TBCK: variants seen among roughly 807,000 people sequenced by gnomAD.
TBCK encodes the protein TBC domain-containing protein kinase-like protein.
TBCK carries 99 observed loss-of-function variants against 113.4 expected under a neutral mutation model. The ratio of observed to expected loss-of-function variants is 0.87; its 90% CI spans 0.74 to 1.03. The LOEUF (loss-of-function observed/expected upper bound fraction) is 1.03. TBCK is among the 50% of genes least tolerant of loss of function. TBCK has a pLI of 0.00. For synonymous variants in TBCK, 369 were observed against 370.8 expected (o/e 1.00, Z 0.05); for missense variants, 1,045 against 1,061.3 (o/e 0.98, Z 0.21).
intron 25 of TBCK, among the ~76,000 whole-genome samples, chr4:106,055,575 C>T (rs1279067204): frequency 2.2e-5 from 3 of 135,148 alleles, no homozygotes; most frequent in Admixed American, 7.6e-5. Context: ...CACACACACA[C>T]ATATATATAA....
At chr4:106,185,964 T>A (rs1277955896) in intron 22 of TBCK, among the ~76,000 whole-genome samples, 1 of 152,126 alleles carries the variant, frequency 6.6e-6, no homozygotes, top group East Asian at 1.9e-4. Flanking sequence ...TTTCTACTTA[T>A]AAGTGAGAAC....
chr4:106,242,708 GT>G (rs1379217905), intron 11 of TBCK, 139 bp from the exon 12 acceptor site: 3 of 505,646 alleles, frequency 5.9e-6, no homozygotes, highest in Non-Finnish European at 1.0e-5. Context: ...ATAAAACAAT[GT>G]TTTTTTAATT....
rs1752189954 is a variant in TBCK at position 106,180,259 on chromosome 4, G to T, written c.2060-8989C>A. ...TTATATTCAAGATTATTAATAATAG[G>T]TAAGAATTTGCTACTGTTATTTTAT... is the stretch of plus-strand genomic sequence containing the variant. On this transcript the variant is annotated intron_variant, in intron 22 of 25. Transcript: ENST00000394708. Among the ~76,000 whole-genome samples the T allele has an allele frequency of 4.6e-5, 7 of 151,830 alleles. No individual in the cohort carries two copies. In the South Asian group the frequency reaches 1.2e-3, roughly 27 times the overall value.
At chr4:106,247,636 C>T (rs1760988277) in intron 9 of TBCK, 1 of 168,180 alleles carries the variant, frequency 5.9e-6, no homozygotes, top group South Asian at 1.7e-4. Context: ...ATAATAATAC[C>T]ATTTGGCTTT....
At chr4:106,055,551 TACACAC>T (rs3056715) in intron 25 of TBCK, among the ~76,000 whole-genome samples, 36,025 of 149,192 alleles carry the variant, frequency 0.24, 4,311 homozygotes, top group South Asian at 0.26. Context: ...AGTTCAATTA[TACACAC>T]ACACACACAC....
chr4:106,215,633 T>G (rs1387706156), intron 19 of TBCK, among the ~76,000 whole-genome samples: 1 of 152,050 alleles, frequency 6.6e-6, no homozygotes, highest in Non-Finnish European at 1.5e-5. Context: ...CATAACATAA[T>G]GGTAAAGGGA....
chr4:106,242,511 C>T lies in TBCK; in HGVS notation c.1129G>A (p.Asp377Asn). ...AACGACAATGTCACAGTGGTATCAT[C>T]TAAAAGCGAGCTTCTATCTCGACCT... is the stretch of plus-strand genomic sequence containing the variant. Reference protein sequence around the residue: ...GQGRDRSSLLDDTTVTLSLCQ... With the variant: ...GQGRDRSSLLNDTTVTLSLCQ... The change falls in exon 12 of 26, where the codon GAT becomes AAT. Residue 377 changes from aspartate (D) to asparagine (N), a missense_variant. Physicochemically the swap from Asp to Asn is conservative, Grantham distance 23. Transcript: ENST00000394708. The T allele has an allele frequency of 6.2e-7, 1 of 1,609,556 alleles. No individual in the cohort carries two copies.
chr4:106,205,553 G>A (rs1755374747), intron 20 of TBCK, among the ~76,000 whole-genome samples: 1 of 127,658 alleles, frequency 7.8e-6, no homozygotes, highest in African/African-American at 3.0e-5. Context: ...AGACCAGCCT[G>A]GCCAACATGG....
chr4:106,203,873 A>T (rs1755161507), intron 20 of TBCK, among the ~76,000 whole-genome samples: 1 of 152,198 alleles, frequency 6.6e-6, no homozygotes, highest in Admixed American at 6.5e-5. Context: ...GTACCTTAAA[A>T]TCAAGCAATT....
chr4:106,109,400 C>G (rs920744428), intron 24 of TBCK, among the ~76,000 whole-genome samples: 2 of 152,140 alleles, frequency 1.3e-5, no homozygotes, highest in African/African-American at 2.4e-5. Flanking sequence ...GTAACCAAAA[C>G]AGCATGGCAG....
At chr4:106,227,432 T>C (rs1758362946) in intron 19 of TBCK, among the ~76,000 whole-genome samples, 1 of 150,902 alleles carries the variant, frequency 6.6e-6, no homozygotes, top group South Asian at 2.1e-4. Context: ...TTTTTGAGTT[T>C]ACATTTTCCT....
chr4:106,049,145 A>C (rs1734532591), intron 25 of TBCK, among the ~76,000 whole-genome samples: 1 of 152,110 alleles, frequency 6.6e-6, no homozygotes, highest in South Asian at 2.1e-4. Flanking sequence ...CTATGGAAAC[A>C]TTTCTTTGCT....
At chr4:106,075,185 A>AAAAG (rs1453309746) in intron 25 of TBCK, among the ~76,000 whole-genome samples, 1 of 152,218 alleles carries the variant, frequency 6.6e-6, no homozygotes, top group Non-Finnish European at 1.5e-5. Context: ...ACAGCAGACA[A>AAAAG]AAAGATGTAA....
At chr4:106,268,737 T>C (rs1343279483) in intron 3 of TBCK, among the ~76,000 whole-genome samples, 4 of 152,096 alleles carry the variant, frequency 2.6e-5, no homozygotes, top group African/African-American at 9.7e-5. Context: ...TTAGACTAAA[T>C]TGTTGAGAGA....
upstream of TBCK, chr4:106,316,342 G>T: frequency 1.7e-6 from 1 of 579,708 alleles, no homozygotes; most frequent in South Asian, 2.1e-5. Context: ...GAGAGAGAAA[G>T]AGGTGCGGGG....
intron 25 of TBCK, among the ~76,000 whole-genome samples, chr4:106,075,899 G>A (rs1738135583): frequency 6.6e-6 from 1 of 152,206 alleles, no homozygotes; most frequent in Non-Finnish European, 1.5e-5. Context: ...AGAACACTGT[G>A]ATCTGTGAAA....
intron 1 of TBCK, among the ~76,000 whole-genome samples, chr4:106,309,474 T>G (rs1377205149): frequency 6.6e-6 from 1 of 151,898 alleles, no homozygotes; most frequent in Non-Finnish European, 1.5e-5. Context: ...AGTTAACTTT[T>G]TGTATTTTTA....
intron 25 of TBCK, among the ~76,000 whole-genome samples, chr4:106,071,985 G>A (rs1437732337): frequency 6.6e-6 from 1 of 152,096 alleles, no homozygotes; most frequent in African/African-American, 2.4e-5. Context: ...TTGAGCCTAT[G>A]TGTGTCTCTG....
intron 25 of TBCK, among the ~76,000 whole-genome samples, chr4:106,048,707 C>T (rs766442570): frequency 6.6e-6 from 1 of 152,088 alleles, no homozygotes; most frequent in African/African-American, 2.4e-5. Flanking sequence ...GCAGTCTTAA[C>T]TTTCAGTTCT....
Sources: gnomAD v4.1 joint callset for allele counts (sites outside exome capture counted in the v4.1 genomes callset) on GRCh38, gnomAD v4.1.1 for gene constraint, MANE v1.5 for transcripts, NCBI Gene and HGNC (gene_info 2026-07-23, HGNC 2026-07-21) for gene names.